The following IQCM variants were observed in gnomAD, a reference collection of about 807,000 sequenced individuals.
IQCM encodes IQ motif containing M.
A neutral mutation model predicts 57.6 loss-of-function variants in IQCM; 45 were observed. That is an observed-to-expected ratio of 0.78 (90% CI 0.62 to 1.00). The LOEUF (loss-of-function observed/expected upper bound fraction) is 1.00, where lower values mean the gene tolerates loss of function less well. IQCM is among the 50% of genes least tolerant of loss of function. IQCM has a pLI of 0.00. For missense variants in IQCM, 468 were observed against 511.6 expected, an observed-to-expected ratio of 0.91 and a Z score of 0.82; for synonymous variants, 148 against 158.9, an observed-to-expected ratio of 0.93 and a Z score of 0.51.
At chr4:149,376,028 T>G (rs1461981989) in intron 13 of IQCM, among the ~76,000 whole-genome samples, 3 of 152,138 alleles carry the variant, frequency 2.0e-5, no homozygotes, top group African/African-American at 7.2e-5. Context: ...TCTCTCCATC[T>G]ATTTGCTCTG....
Position 149,437,079 on chromosome 4 carries a change from G to A in IQCM, c.1229-3522C>T, listed in dbSNP as rs141817083. On this transcript the variant is annotated intron_variant, in intron 12 of 13. Coordinates refer to ENST00000636793, the MANE Select transcript of IQCM (RefSeq NM_001363507.2). The stretch of plus-strand genomic sequence containing the variant: ...CAATGCCTCCTAGCTGGTAAGTGGT[G>A]AAACCAGAATTTATTCTCTATTCTG... 5.4e-3 allele frequency among the ~76,000 whole-genome samples: 820 copies of A among 152,222 alleles called. 10 individuals carry two copies. Among genetic ancestry groups the A allele is most frequent in the African/African-American group, 0.019 (778 of 41,548 alleles).
At chr4:149,809,178 G>T (rs907799432) in intron 2 of IQCM, among the ~76,000 whole-genome samples, 3 of 151,750 alleles carry the variant, frequency 2.0e-5, no homozygotes, top group Non-Finnish European at 4.4e-5. Flanking sequence ...CAGGGGAATC[G>T]CTTGAACCTG....
chr4:149,621,879 AAAG>A, intron 7 of IQCM, among the ~76,000 whole-genome samples: 1 of 152,272 alleles, frequency 6.6e-6, no homozygotes, highest in Middle Eastern at 3.4e-3. Flanking sequence ...AATCATTTAA[AAAG>A]AAGGAAATTC....
intron 12 of IQCM, among the ~76,000 whole-genome samples, chr4:149,434,382 T>G (rs983526338): frequency 5.3e-5 from 8 of 152,094 alleles, no homozygotes; most frequent in Admixed American, 1.3e-4. Context: ...GCCTCCAGTT[T>G]GTAATTCTAG....
At chr4:149,399,296 T>A (rs1236840632) in intron 13 of IQCM, among the ~76,000 whole-genome samples, 2 of 151,948 alleles carry the variant, frequency 1.3e-5, no homozygotes, top group Non-Finnish European at 2.9e-5. Context: ...CAGGTTTTGG[T>A]TCCCACTGGA....
intron 5 of IQCM, among the ~76,000 whole-genome samples, chr4:149,694,559 C>CAA (rs991387880): frequency 2.6e-5 from 4 of 151,768 alleles, no homozygotes; most frequent in Non-Finnish European, 4.4e-5. Flanking sequence ...CACACACACA[C>CAA]AAAAAACAGC....
intron 2 of IQCM, among the ~76,000 whole-genome samples, chr4:149,771,509 T>C (rs190702940): frequency 1.1e-4 from 17 of 152,240 alleles, no homozygotes; most frequent in African/African-American, 4.1e-4. Flanking sequence ...AGTAAAATCC[T>C]TTTCTCATTC....
intron 13 of IQCM, among the ~76,000 whole-genome samples, chr4:149,373,921 T>G (rs562966876): frequency 6.6e-6 from 1 of 152,284 alleles, no homozygotes; most frequent in East Asian, 1.9e-4. Context: ...GGTGGAAACC[T>G]TTTCTCTGCC....
Position 149,352,213 on chromosome 4 carries a change from C to T in IQCM, c.1391-147G>A, listed in dbSNP as rs539669378. 25 of 391,774 alleles carry T rather than the reference C, an allele frequency of 6.4e-5. No individual in the cohort carries two copies. In the South Asian group the frequency reaches 1.9e-3, roughly 29 times the overall value. 24.3% of individuals were successfully genotyped at this position (391,774 alleles called of 1,614,324 possible). A position where few individuals can be genotyped will look rare whatever the true frequency, so the allele number is the denominator to read the frequency against. On this transcript the variant is annotated intron_variant, in intron 13 of 13. Transcript: ENST00000636793. ...AGACTGGACTTGGGCTCATTTCCTT[C>T]GGGTGTAGTGTGTTACCTTATATAT...
At chr4:149,661,047 G>T (rs1010324590) in intron 7 of IQCM, among the ~76,000 whole-genome samples, 1 of 152,006 alleles carries the variant, frequency 6.6e-6, no homozygotes, top group African/African-American at 2.4e-5. Context: ...GGGTATCTTT[G>T]TCTTGTTTCC....
intron 13 of IQCM, among the ~76,000 whole-genome samples, chr4:149,428,525 C>A (rs1011367015): frequency 6.6e-6 from 1 of 151,604 alleles, no homozygotes; most frequent in African/African-American, 2.4e-5. Flanking sequence ...CTACGCATAG[C>A]CTTTATTTTG....
At chr4:149,570,463 A>G (rs1388810302) in intron 9 of IQCM, among the ~76,000 whole-genome samples, 1 of 152,052 alleles carries the variant, frequency 6.6e-6, no homozygotes, top group Non-Finnish European at 1.5e-5. Flanking sequence ...AGGAAAACAC[A>G]TATTGGGAAA....
intron 13 of IQCM, among the ~76,000 whole-genome samples, chr4:149,424,580 T>C (rs905066606): frequency 6.6e-6 from 1 of 151,846 alleles, no homozygotes; most frequent in African/African-American, 2.4e-5. Flanking sequence ...TATTAAAGTT[T>C]ATATATTCTT....
chr4:149,592,146 T>C (rs147732946), intron 8 of IQCM, among the ~76,000 whole-genome samples: 32,519 of 152,102 alleles, frequency 0.21, 4,347 homozygotes, highest in Non-Finnish European at 0.29. Flanking sequence ...TGACCGCCAT[T>C]CTAACTGGTG....
intron 3 of IQCM, among the ~76,000 whole-genome samples, chr4:149,739,872 C>G (rs1767293996): frequency 6.6e-6 from 1 of 152,064 alleles, no homozygotes; most frequent in Admixed American, 6.6e-5. Flanking sequence ...CAGCTTAACA[C>G]AATTGTGATG....
At chr4:149,695,680 G>A (rs1409971431) in intron 5 of IQCM, among the ~76,000 whole-genome samples, 1 of 152,168 alleles carries the variant, frequency 6.6e-6, no homozygotes, top group African/African-American at 2.4e-5. Context: ...AAGGAGAGAT[G>A]GAGACATAAG....
Position 149,694,218 on chromosome 4 carries a change from CTTTTTTTTTTTT to C in IQCM, c.386-7762_386-7751del, listed in dbSNP as rs70965195. Reference sequence around the variant, plus strand: ...GTTTGCCAGTGCCATGGATTAATTTCTTTTTTTTTTTTTTTTTTTTTTTTGAGACGGAGTCTC... The same window carrying C: ...GTTTGCCAGTGCCATGGATTAATTTCTTTTTTTTTTTTGAGACGGAGTCTC... On this transcript the variant is annotated intron_variant, in intron 5 of 13. Transcript: ENST00000636793. Among the ~76,000 whole-genome samples, 520 of 94,840 alleles carry C rather than the reference CTTTTTTTTTTTT, an allele frequency of 5.5e-3. 2 individuals carry two copies. The highest frequency in any genetic ancestry group is 0.02 in the African/African-American group (483 of 23,686). The allele number at this position is 94,840 out of a possible 152,430, so 62.2% of individuals were successfully genotyped here.
intron 2 of IQCM, among the ~76,000 whole-genome samples, chr4:149,750,847 A>C (rs945337934): frequency 1.3e-5 from 2 of 152,262 alleles, no homozygotes; most frequent in African/African-American, 4.8e-5. Context: ...ACACTAAATT[A>C]GAGGCCAAAA....
At chr4:149,701,629 T>G (rs1387485899) in intron 5 of IQCM, among the ~76,000 whole-genome samples, 2 of 152,034 alleles carry the variant, frequency 1.3e-5, no homozygotes, top group African/African-American at 4.8e-5. Context: ...CATTTCATAC[T>G]TCACAGTTTT....
Sources: allele counts gnomAD v4.1 joint callset (sites outside exome capture counted in the v4.1 genomes callset), GRCh38; gene constraint gnomAD v4.1.1; transcripts MANE v1.5; gene names NCBI Gene and HGNC (gene_info 2026-07-23, HGNC 2026-07-21).